The following ATAD2B variants were observed in gnomAD, a reference collection of about 807,000 sequenced individuals.
ATAD2B encodes the protein ATPase family AAA domain-containing protein 2B.
ATAD2B carries 40 observed loss-of-function variants against 167.6 expected under a neutral mutation model. The ratio of observed to expected loss-of-function variants is 0.24; its 90% CI spans 0.19 to 0.31. ATAD2B has a LOEUF of 0.31. Among genes scored for constraint, ATAD2B ranks in the 10% least tolerant of loss-of-function variants. The pLI is 1.00. For missense variants in ATAD2B, 1,242 were observed against 1,757.2 expected (o/e 0.71, Z 5.24); for synonymous variants, 579 against 596.5 (o/e 0.97, Z 0.43).
chr2:23,860,804 G>A (rs1349236524), intron 12 of ATAD2B, among the ~76,000 whole-genome samples: 1 of 152,002 alleles, frequency 6.6e-6, no homozygotes, highest in Non-Finnish European at 1.5e-5. Flanking sequence ...AACCCTGTCT[G>A]TACTAAAAAT....
chr2:23,899,940 T>G (rs1700608639), intron 1 of ATAD2B, among the ~76,000 whole-genome samples: 1 of 139,606 alleles, frequency 7.2e-6, no homozygotes. Flanking sequence ...TTTTTTTTTT[T>G]TGAGACAGAG....
chr2:23,854,081 C>T (rs182591276), intron 13 of ATAD2B, among the ~76,000 whole-genome samples: 1 of 151,046 alleles, frequency 6.6e-6, no homozygotes, highest in East Asian at 2.0e-4. Context: ...CATACCTCTA[C>T]TAATAATACA....
intron 20 of ATAD2B, 68 bp downstream of exon 20, chr2:23,788,444 C>G: frequency 6.6e-7 from 1 of 1,518,162 alleles, no homozygotes; most frequent in Non-Finnish European, 9.0e-7. Flanking sequence ...CTAAAATAAA[C>G]TGACTCCAAG....
At chr2:23,708,227 C>T in the ATAD2B span, 3 of 152,180 alleles carry the variant, frequency 2.0e-5, no homozygotes, top group South Asian at 4.1e-4. Context: ...TACCGAGCTT[C>T]GTTATGCAGT....
At chr2:23,922,701 CAAA>C (rs11386515) in intron 1 of ATAD2B, among the ~76,000 whole-genome samples, 2 of 126,480 alleles carry the variant, frequency 1.6e-5, no homozygotes. Context: ...GACTCTGTCT[CAAA>C]AAAAAAAAAA....
intron 2 of ATAD2B, among the ~76,000 whole-genome samples, chr2:23,894,349 C>T (rs773644145): frequency 2.2e-4 from 33 of 151,782 alleles, no homozygotes; most frequent in Non-Finnish European, 4.7e-4. Flanking sequence ...GGCGTGGTGG[C>T]GCATGCCTGT....
At chr2:23,701,325 C>T in the ATAD2B span, among the ~76,000 whole-genome samples, 91 of 152,300 alleles carry the variant, frequency 6.0e-4, no homozygotes, top group Admixed American at 1.2e-3. Flanking sequence ...CTAGTCTCCC[C>T]GCTTCTGACC....
In ATAD2B at chr2:23,885,811, T is replaced by C. The variant is rs114686503; in HGVS notation, c.591A>G (p.Leu197=). Residue 197 remains leucine, a synonymous_variant, in exon 5 of 28, where the codon CTA becomes CTG. Coordinates refer to ENST00000238789, the MANE Select transcript of ATAD2B (RefSeq NM_017552.4). ...GGATGTTAATGTTGTCCATTTCCTGTAGTACAGCTTCAGCAGTGCTACAAT... is the reference window on the plus strand; with the variant it reads ...GGATGTTAATGTTGTCCATTTCCTGCAGTACAGCTTCAGCAGTGCTACAAT... ...QLVNSTAEAV[L]QEMDNINIRR... is the part of the protein sequence containing the mutation. The C allele has an allele frequency of 4.5e-3, 7,095 of 1,586,586 alleles. 265 individuals are homozygous for C. In the African/African-American group the frequency reaches 0.079, roughly 18 times the overall value.
chr2:23,782,825 T>TTC, intron 22 of ATAD2B, 44 bp downstream of exon 22: 1 of 1,514,684 alleles, frequency 6.6e-7, no homozygotes, highest in Non-Finnish European at 9.1e-7. Flanking sequence ...GTAAACTGTC[T>TTC]TCTGATTGAT....
At chr2:23,828,332 TTTAAAG>T (rs1315485594) in intron 15 of ATAD2B, among the ~76,000 whole-genome samples, 3 of 152,136 alleles carry the variant, frequency 2.0e-5, no homozygotes, top group Admixed American at 1.3e-4. Context: ...CTGTGAAAAA[TTTAAAG>T]TTAAACTGGA....
intron 18 of ATAD2B, among the ~76,000 whole-genome samples, chr2:23,801,853 T>C (rs889623051): frequency 1.3e-5 from 2 of 151,898 alleles, no homozygotes; most frequent in South Asian, 4.2e-4. Flanking sequence ...CTTACAAGAG[T>C]TCTAATCATC....
intron 8 of ATAD2B, chr2:23,872,779 C>T: frequency 7.5e-6 from 7 of 934,970 alleles, no homozygotes; most frequent in Non-Finnish European, 1.2e-5. Flanking sequence ...CAGGCAACCA[C>T]ATCTGATCAA....
At chr2:23,871,463 T>C (rs1558698216) in intron 8 of ATAD2B, among the ~76,000 whole-genome samples, 2 of 152,208 alleles carry the variant, frequency 1.3e-5, no homozygotes, top group Non-Finnish European at 2.9e-5. Flanking sequence ...CAGAGTCAAC[T>C]CCCTTCGTGG....
chr2:23,703,182 G>A, the ATAD2B span: 2 of 1,425,288 alleles, frequency 1.4e-6, no homozygotes, highest in East Asian at 5.5e-5. Context: ...CTCCTCTCCT[G>A]CAGGTACGAC....
intron 18 of ATAD2B, among the ~76,000 whole-genome samples, chr2:23,808,547 A>G (rs1685023392): frequency 6.6e-6 from 1 of 152,058 alleles, no homozygotes; most frequent in Non-Finnish European, 1.5e-5. Flanking sequence ...TTTCTAACTT[A>G]TTATAGTATT....
At position 23,889,646 on chromosome 2, in the gene ATAD2B, G is replaced by A. The variant is rs553195472; in HGVS notation, c.369-1247C>T. Among the ~76,000 whole-genome samples, 14 of 152,148 alleles carry A rather than the reference G, an allele frequency of 9.2e-5. No homozygotes were observed. In the East Asian group the frequency reaches 9.7e-4, roughly 11 times the overall value. The stretch of plus-strand genomic sequence containing the variant: ...GTATAAACAAAAACTCAAGCCAGGC[G>A]CGATGGCTCACGCCTATAATCCCAG... On this transcript the variant is annotated intron_variant, in intron 2 of 27. Coordinates refer to ENST00000238789, the MANE Select transcript of ATAD2B (RefSeq NM_017552.4).
At chr2:23,702,496 T>C in the ATAD2B span, among the ~76,000 whole-genome samples, 1 of 152,172 alleles carries the variant, frequency 6.6e-6, no homozygotes, top group African/African-American at 2.4e-5. Context: ...TCTCCCAAAA[T>C]GCCACCTTTG....
chr2:23,700,379 C>T, the ATAD2B span, among the ~76,000 whole-genome samples: 1 of 152,240 alleles, frequency 6.6e-6, no homozygotes, highest in Middle Eastern at 3.4e-3. This position sits in a 1 kb window ranked among gnomAD's most constrained non-coding sequence, Gnocchi z 4.6. Flanking sequence ...TTCATCACTT[C>T]CTAATTTTTT....
chr2:23,888,116 C>T (rs1375190292), intron 3 of ATAD2B, 131 bp from the exon 4 acceptor site: 1 of 770,180 alleles, frequency 1.3e-6, no homozygotes, highest in Non-Finnish European at 1.9e-6. Flanking sequence ...CTTTAATAGT[C>T]AATAATCTAA....
Sources: allele counts gnomAD v4.1 joint callset (sites outside exome capture counted in the v4.1 genomes callset), GRCh38; gene constraint gnomAD v4.1.1; non-coding constraint Gnocchi (gnomAD v3.1); transcripts MANE v1.5; gene names NCBI Gene and HGNC (gene_info 2026-07-23, HGNC 2026-07-21).